The following ATXN2 variants were observed in gnomAD, a reference collection of about 807,000 sequenced individuals.
ATXN2 encodes the protein ataxin 2.
In ATXN2, 37 loss-of-function variants were observed where a neutral mutation model predicts 138.6. That is an observed-to-expected ratio of 0.27 (90% CI 0.21 to 0.35). ATXN2 has a LOEUF of 0.35. Among genes scored for constraint, ATXN2 ranks in the 10% least tolerant of loss-of-function variants. The pLI is 1.00. For missense variants in ATXN2, 1,216 were observed against 1,480.3 expected, an observed-to-expected ratio of 0.82 and a Z score of 2.93; for synonymous variants, 549 against 543.7, an observed-to-expected ratio of 1.01 and a Z score of -0.13.
At chr12:111,493,418 CAAAAAAAA>C (rs59185968) in intron 14 of ATXN2, among the ~76,000 whole-genome samples, 2 of 45,646 alleles carry the variant, frequency 4.4e-5, no homozygotes, top group African/African-American at 2.0e-4. Flanking sequence ...GACTCTGTCT[CAAAAAAAA>C]AAAAAAAAAA....
In ATXN2 at chr12:111,588,991, CAAAAAAAAAAAAAAAAAA is replaced by C. The variant is rs58116265; in HGVS notation, c.251+9775_251+9792del. On this transcript the variant is annotated intron_variant, in intron 1 of 24. Coordinates refer to ENST00000673436, the MANE Select transcript of ATXN2 (RefSeq NM_001372574.1). ...GCCTGGGCGACAGAGCGAGATTTCT[CAAAAAAAAAAAAAAAAAA>C]AAAAAAAAAAAAAAACTAAACCAAA... Among the ~76,000 whole-genome samples the C allele has an allele frequency of 3.9e-4, 15 of 38,710 alleles. 1 individual carries two copies. The highest frequency in any genetic ancestry group is 1.9e-3 in the East Asian group (1 of 534). The allele number at this position is 38,710 out of a possible 152,430, so 25.4% of individuals were successfully genotyped here.
chr12:111,560,149 G>A (rs1371017606), intron 1 of ATXN2, among the ~76,000 whole-genome samples: 1 of 152,142 alleles, frequency 6.6e-6, no homozygotes, highest in Non-Finnish European at 1.5e-5. Context: ...AAGCTCCACG[G>A]AAAACAATGC....
At chr12:111,485,058 A>C in intron 18 of ATXN2, 1 of 482,708 alleles carries the variant, frequency 2.1e-6, no homozygotes, top group Non-Finnish European at 3.7e-6. Context: ...AGGATACTAT[A>C]TAATCACAAC....
At chr12:111,535,566 G>A (rs1007482553) in intron 5 of ATXN2, among the ~76,000 whole-genome samples, 1 of 151,894 alleles carries the variant, frequency 6.6e-6, no homozygotes, top group African/African-American at 2.4e-5. Flanking sequence ...AGGTTGTGGT[G>A]AGCCAAGATC....
At chr12:111,546,806 G>C (rs1881821440) in intron 5 of ATXN2, among the ~76,000 whole-genome samples, 1 of 152,184 alleles carries the variant, frequency 6.6e-6, no homozygotes, top group Non-Finnish European at 1.5e-5. Context: ...GAGAACCTCA[G>C]ATCTGTCTGC....
At position 111,553,160 on chromosome 12, in the gene ATXN2, C is replaced by T. The variant is rs543645107; in HGVS notation, c.349-183G>A. On this transcript the variant is annotated intron_variant, in intron 3 of 24. Transcript: ENST00000673436. ...TGAACTCTTGAAATTCTTCAGGAGG[C>T]TCTACTCAGAGTTTGCAGTACGAAT... Among the ~76,000 whole-genome samples, 155 of 152,216 alleles carry T rather than the reference C, an allele frequency of 1.0e-3. 1 individual carries two copies. Among genetic ancestry groups the T allele is most frequent in the African/African-American group, 3.6e-3 (149 of 41,524 alleles).
chr12:111,488,895 C>T, intron 14 of ATXN2, 115 bp from the exon 15 acceptor site: 2 of 887,272 alleles, frequency 2.3e-6, no homozygotes, highest in Admixed American at 2.8e-5. Flanking sequence ...CTGAATAAGG[C>T]TTTTTTCATA....
Position 111,513,345 on chromosome 12 carries a change from A to T in ATXN2, c.1558+12T>A. 6.2e-7 allele frequency: 1 copy of T among 1,609,950 alleles called. No homozygotes were observed. Among genetic ancestry groups the T allele is most frequent in the Non-Finnish European group, 8.5e-7 (1 of 1,179,066 alleles). The stretch of plus-strand genomic sequence containing the variant: ...AAAATGAGTACCATCATTATGCCCA[A>T]GTGTTACCTACCCCCACTGACCACT... On this transcript the variant is annotated intron_variant, in intron 11 of 24. Transcript: ENST00000673436.
chr12:111,547,911 G>C (rs1044948517), intron 5 of ATXN2, among the ~76,000 whole-genome samples: 13 of 141,608 alleles, frequency 9.2e-5, no homozygotes, highest in Admixed American at 2.2e-4. Context: ...GGAACTTACT[G>C]GCTGGGCACA....
intron 1 of ATXN2, among the ~76,000 whole-genome samples, chr12:111,570,120 G>A (rs1345456184): frequency 2.6e-5 from 4 of 152,078 alleles, no homozygotes; most frequent in Non-Finnish European, 5.9e-5. Flanking sequence ...CCATCTTCTC[G>A]AGTTCTCCAG....
At chr12:111,534,696 G>A (rs1881046920) in intron 5 of ATXN2, among the ~76,000 whole-genome samples, 1 of 152,068 alleles carries the variant, frequency 6.6e-6, no homozygotes, top group African/African-American at 2.4e-5. Flanking sequence ...GATGTCTTCA[G>A]GACACCCCAG....
intron 5 of ATXN2, among the ~76,000 whole-genome samples, chr12:111,540,696 CTTTT>C (rs11462759): frequency 1.6e-5 from 2 of 126,272 alleles, no homozygotes; most frequent in African/African-American, 3.0e-5. Context: ...ACGTCTAAGT[CTTTT>C]TTTTTTTTTT....
In ATXN2 at chr12:111,493,915, T is replaced by TA. The variant is rs1363670446; in HGVS notation, c.1936-5136dup. Among the ~76,000 whole-genome samples the TA allele has an allele frequency of 2.0e-5, 3 of 150,882 alleles. No homozygotes were observed. The East Asian group carries it at 5.9e-4, about 30-fold the overall frequency. On this transcript the variant is annotated intron_variant, in intron 14 of 24. Transcript: ENST00000673436. ...AGTGCTGGGATTAGGCGTGAGCCAC[T>TA]AGGCCAGGGTTTTGTTTTGTTTTGT...
rs1161499606 is a variant in ATXN2 at position 111,520,072 on chromosome 12, G to T, written c.793C>A (p.Pro265Thr). The change falls in exon 8 of 25, where the codon CCC (proline) becomes ACC (threonine). Residue 265 changes from proline to threonine, a missense_variant. Coordinates refer to ENST00000673436, the MANE Select transcript of ATXN2 (RefSeq NM_001372574.1). ...TCTTCTGAGTTATCTCTTTCTAAGG[G>T]CACTCTGAAACATGAGGAAAAGAAA... ...YDSSLSSYTV[P>T]LERDNSEEFL... 1 of 1,613,294 alleles carries T rather than the reference G, an allele frequency of 6.2e-7. No homozygotes were observed. Among genetic ancestry groups the T allele is most frequent in the African/African-American group, 1.3e-5 (1 of 74,876 alleles).
intron 1 of ATXN2, chr12:111,564,923 A>ATAT (rs1249085082): frequency 2.6e-5 from 4 of 152,154 alleles, no homozygotes; most frequent in Non-Finnish European, 5.9e-5. Context: ...GGGTCGCACT[A>ATAT]TATTGCCCAA....
rs531770878 is a variant in ATXN2 at position 111,461,458 on chromosome 12, G to A, written c.2896+3204C>T. 2.0e-5 allele frequency among the ~76,000 whole-genome samples: 3 copies of A among 150,718 alleles called. No individual in the cohort carries two copies. In the South Asian group the frequency reaches 6.3e-4, roughly 31 times the overall value. On this transcript the variant is annotated intron_variant, in intron 21 of 24. Coordinates refer to ENST00000673436, the MANE Select transcript of ATXN2 (RefSeq NM_001372574.1). ...GCACTCCAGCTTGGGCAACAAGAGC[G>A]AAACTCCGTCTCAAAAAATAAAATA...
chr12:111,574,233 G>A (rs955207972), intron 1 of ATXN2, among the ~76,000 whole-genome samples: 18 of 144,720 alleles, frequency 1.2e-4, no homozygotes, highest in African/African-American at 2.1e-4. Context: ...GCGTGAACCC[G>A]AGAGGCAGAG....
At chr12:111,537,312 C>T (rs1029463341) in intron 5 of ATXN2, among the ~76,000 whole-genome samples, 4 of 151,774 alleles carry the variant, frequency 2.6e-5, no homozygotes, top group African/African-American at 7.3e-5. Context: ...TGGCCAGATG[C>T]GGTGGCTCAT....
chr12:111,502,689 C>T (rs1176368703), intron 14 of ATXN2, among the ~76,000 whole-genome samples: 2 of 152,106 alleles, frequency 1.3e-5, no homozygotes, highest in South Asian at 2.1e-4. Context: ...CCTCAGCCTC[C>T]CAAAGTGCTG....
Sources: allele counts gnomAD v4.1 joint callset (sites outside exome capture counted in the v4.1 genomes callset), GRCh38; gene constraint gnomAD v4.1.1; transcripts MANE v1.5; gene names NCBI Gene and HGNC (gene_info 2026-07-23, HGNC 2026-07-21).